CACNG2: variants seen among roughly 807,000 people sequenced by gnomAD.
The protein encoded by CACNG2 is voltage-dependent calcium channel gamma-2 subunit.
CACNG2 carries 3 observed loss-of-function variants against 25.9 expected under a neutral mutation model. That is an observed-to-expected ratio of 0.12 (90% CI 0.05 to 0.30). The LOEUF is 0.30. Ranked by LOEUF, CACNG2 falls within the 10% of genes least tolerant of loss-of-function variation. The pLI is 1.00. For missense variants in CACNG2, 341 were observed against 432.5 expected (o/e 0.79, Z 1.88); for synonymous variants, 167 against 173.3 (o/e 0.96, Z 0.29).
chr22:36,629,868 G>C (rs986159373), intron 1 of CACNG2, among the ~76,000 whole-genome samples: 1 of 152,160 alleles, frequency 6.6e-6, no homozygotes, highest in Non-Finnish European at 1.5e-5. Flanking sequence ...ACAAAGAAGA[G>C]GCTTTCAAAT....
chr22:36,583,439 A>AAAG (rs1344173675), intron 2 of CACNG2, among the ~76,000 whole-genome samples: 2,713 of 147,786 alleles, frequency 0.018, 83 homozygotes, highest in African/African-American at 0.069. Context: ...TCTCAAAAAA[A>AAAG]AAAGAAAAAA....
intron 1 of CACNG2, among the ~76,000 whole-genome samples, chr22:36,611,299 T>C (rs552387748): frequency 6.6e-6 from 1 of 152,152 alleles, no homozygotes; most frequent in South Asian, 2.1e-4. Context: ...ATTCTGTGCT[T>C]GGAACTCTGC....
At chr22:36,595,863 C>CA (rs1935670845) in intron 1 of CACNG2, among the ~76,000 whole-genome samples, 2 of 152,332 alleles carry the variant, frequency 1.3e-5, no homozygotes, top group Non-Finnish European at 2.9e-5. Context: ...GCGGAAAGGC[C>CA]AAGGGCTGTG....
At chr22:36,643,466 ATCTG>A (rs60854802) in intron 1 of CACNG2, among the ~76,000 whole-genome samples, 164 of 144,474 alleles carry the variant, frequency 1.1e-3, no homozygotes, top group Admixed American at 1.8e-3. Flanking sequence ...ATCTACATCT[ATCTG>A]TCTGTCTATC....
chr22:36,581,250 G>T (rs1294413723), intron 2 of CACNG2, among the ~76,000 whole-genome samples: 2 of 152,194 alleles, frequency 1.3e-5, no homozygotes, highest in Non-Finnish European at 2.9e-5. Context: ...GGAGGCCGGG[G>T]TAGTGATGAG....
chr22:36,635,694 T>G (rs922400410), intron 1 of CACNG2, among the ~76,000 whole-genome samples: 1 of 152,120 alleles, frequency 6.6e-6, no homozygotes, highest in Non-Finnish European at 1.5e-5. Context: ...TCCAACTCCC[T>G]ACATGTTGTT....
intron 1 of CACNG2, among the ~76,000 whole-genome samples, chr22:36,653,610 G>A (rs571323315): frequency 8.5e-5 from 12 of 141,464 alleles, no homozygotes; most frequent in East Asian, 5.8e-4. Context: ...CAACAGAGCC[G>A]GATGATCTGA....
At position 36,684,256 on chromosome 22, in the gene CACNG2, AC is replaced by A. The variant is rs551974570; in HGVS notation, c.211+18109del. On this transcript the variant is annotated intron_variant, in intron 1 of 3. Transcript: ENST00000300105. The stretch of plus-strand genomic sequence containing the variant: ...GTTAAAAATATAACTAGTGAATTGA[AC>A]CAGTGATTTCTTGGGTACTATTGCT... Among the ~76,000 whole-genome samples, 8 of 152,266 alleles carry A rather than the reference AC, an allele frequency of 5.3e-5. No individual in the cohort carries two copies. The South Asian group carries it at 6.2e-4, about 12-fold the overall frequency.
At position 36,692,465 on chromosome 22, in the gene CACNG2, T is replaced by A. The variant is rs116542702; in HGVS notation, c.211+9901A>T. ...CTGCTTCCCAGCAGGCAGTGACTTA[T>A]CAGCTTTTATGGCAAAGCTGGGGCC... On this transcript the variant is annotated intron_variant, in intron 1 of 3. Transcript: ENST00000300105. Among the ~76,000 whole-genome samples the A allele has an allele frequency of 7.1e-3, 1,088 of 152,310 alleles. 12 individuals are homozygous for A. Among genetic ancestry groups the A allele is most frequent in the African/African-American group, 0.025 (1,033 of 41,558 alleles).
chr22:36,683,645 A>G (rs1378106552), intron 1 of CACNG2, among the ~76,000 whole-genome samples: 2 of 152,126 alleles, frequency 1.3e-5, no homozygotes, highest in South Asian at 2.1e-4. Flanking sequence ...ACCTCTTCCT[A>G]CCAGAGGTAA....
At chr22:36,590,180 C>T (rs2283982) in intron 1 of CACNG2, among the ~76,000 whole-genome samples, 38,534 of 152,020 alleles carry the variant, frequency 0.25, 4,996 homozygotes, top group Middle Eastern at 0.32. Flanking sequence ...TCCTTGTGTG[C>T]AAGCCTGGGC....
chr22:36,653,893 C>T (rs542580433), intron 1 of CACNG2, among the ~76,000 whole-genome samples: 1 of 149,856 alleles, frequency 6.7e-6, no homozygotes, highest in East Asian at 2.0e-4. Context: ...AGGAAGAATC[C>T]TCTTGAAAAC....
At chr22:36,590,928 C>T (rs1935581573) in intron 1 of CACNG2, among the ~76,000 whole-genome samples, 1 of 152,200 alleles carries the variant, frequency 6.6e-6, no homozygotes, top group African/African-American at 2.4e-5. Flanking sequence ...TGAACTCCCA[C>T]CACGTCCTCT....
chr22:36,654,770 G>A (rs978128196), intron 1 of CACNG2, among the ~76,000 whole-genome samples: 2 of 152,154 alleles, frequency 1.3e-5, no homozygotes, highest in African/African-American at 4.8e-5. Context: ...GTTTCATGAG[G>A]ATCTTCTAGA....
intron 1 of CACNG2, among the ~76,000 whole-genome samples, chr22:36,618,571 G>A (rs564428547): frequency 2.3e-4 from 35 of 152,322 alleles, no homozygotes; most frequent in African/African-American, 8.2e-4. Context: ...CTCTGGTCTT[G>A]CCTCCACTTT....
chr22:36,689,786 A>T (rs1601458278), intron 1 of CACNG2, among the ~76,000 whole-genome samples: 1 of 152,390 alleles, frequency 6.6e-6, no homozygotes, highest in Middle Eastern at 3.4e-3. Context: ...AAAGCATGCC[A>T]CGTGGCTGGC....
rs560284228 is a variant in CACNG2, at chr22:36,668,971, G to T, written c.211+33395C>A. Among the ~76,000 whole-genome samples, 9 of 152,250 alleles carry T rather than the reference G, an allele frequency of 5.9e-5. No individual in the cohort carries two copies. In the South Asian group the frequency reaches 1.9e-3, roughly 32 times the overall value. ...GATTGGATGAAGCCTGCCCACATTGGTGAGGGCAGGCCTTCTTTTCTTAGC... is the reference window on the plus strand; with the variant it reads ...GATTGGATGAAGCCTGCCCACATTGTTGAGGGCAGGCCTTCTTTTCTTAGC... On this transcript the variant is annotated intron_variant, in intron 1 of 3. Coordinates refer to ENST00000300105, the MANE Select transcript of CACNG2 (RefSeq NM_006078.5).
At chr22:36,655,960 A>G (rs1291672466) in intron 1 of CACNG2, among the ~76,000 whole-genome samples, 2 of 151,900 alleles carry the variant, frequency 1.3e-5, no homozygotes, top group Non-Finnish European at 2.9e-5. Flanking sequence ...GGTGTGTGCC[A>G]CCACGCCCAG....
chr22:36,702,340 G>T (rs758889980), intron 1 of CACNG2, 26 bp downstream of exon 1: 14 of 1,525,416 alleles, frequency 9.2e-6, no homozygotes, highest in East Asian at 9.0e-5. Context: ...GGGTGGAGAG[G>T]GGGGAGGAGA....
Sources: allele counts gnomAD v4.1 joint callset (sites outside exome capture counted in the v4.1 genomes callset), GRCh38; gene constraint gnomAD v4.1.1; transcripts MANE v1.5; gene names NCBI Gene and HGNC (gene_info 2026-07-23, HGNC 2026-07-21).